The following ATP10A variants were observed in gnomAD, a reference collection of about 807,000 sequenced individuals.
ATP10A encodes the protein phospholipid-transporting ATPase VA.
Under a neutral mutation model 147.8 loss-of-function variants are expected in ATP10A, and 111 were observed. That is an observed-to-expected ratio of 0.75 (90% CI 0.64 to 0.88). ATP10A has a LOEUF of 0.88. Ranked by LOEUF, ATP10A falls within the 40% of genes least tolerant of loss-of-function variation. The probability of loss-of-function intolerance (pLI) is 0.00; values close to 1 mark genes in which losing one functional copy is unlikely to be tolerated. For missense variants in ATP10A, 1,927 were observed against 1,959.0 expected (o/e 0.98, Z 0.31); for synonymous variants, 875 against 841.6 (o/e 1.04, Z -0.69).
Position 25,723,935 on chromosome 15 carries a change from T to C in ATP10A, c.1066A>G (p.Thr356Ala), listed in dbSNP as rs1322263320. 4 of 1,610,276 alleles carry C rather than the reference T, an allele frequency of 2.5e-6. No homozygotes were observed. Among genetic ancestry groups the C allele is most frequent in the Non-Finnish European group, 3.4e-6 (4 of 1,178,866 alleles). The change falls in exon 6 of 21, where the codon ACA (threonine) becomes GCA (alanine). Residue 356 changes from threonine to alanine, a missense_variant. Coordinates refer to ENST00000555815, the MANE Select transcript of ATP10A (RefSeq NM_024490.4). The part of the protein sequence containing the change: ...KSDGSSLSPV[T>A]AAVYSFLTMI... The stretch of plus-strand genomic sequence containing the variant: ...GTTAAAAATGAGTAAACTGCAGCTG[T>C]GACTGGGGATAAGGAGCTTCCATCA...
rs371421040 is a variant in ATP10A, at chr15:25,713,884, A to G, written c.2134T>C (p.Cys712Arg). The G allele has an allele frequency of 6.2e-7, 1 of 1,613,676 alleles. No homozygotes were observed. Among genetic ancestry groups the G allele is most frequent in the African/African-American group, 1.3e-5 (1 of 74,958 alleles). ...TCGTGCAGCCGCTCCACAAGCACGC[A>G]GTTGTAGGCTCTGGCCGCATACACC... The part of the protein sequence containing the change: ...ALVYAARAYN[C>R]VLVERLHDQV... The change falls in exon 10 of 21, where the codon TGC (cysteine) becomes CGC (arginine). Residue 712 changes from cysteine to arginine, a missense_variant. Physicochemically the swap from Cys to Arg is radical, Grantham distance 180. Coordinates refer to ENST00000555815, the MANE Select transcript of ATP10A (RefSeq NM_024490.4).
chr15:25,788,081 C>T (rs1209816888), intron 1 of ATP10A, among the ~76,000 whole-genome samples: 2 of 152,182 alleles, frequency 1.3e-5, no homozygotes, highest in African/African-American at 4.8e-5. Flanking sequence ...GGGCAGGGCA[C>T]ACCTGACACT....
chr15:25,853,907 GCT>G (rs1893396196), intron 1 of ATP10A, among the ~76,000 whole-genome samples: 1 of 150,166 alleles, frequency 6.7e-6, no homozygotes, highest in Non-Finnish European at 1.5e-5. Context: ...GCACCAGTGC[GCT>G]CCGGCCTGGG....
intron 2 of ATP10A, among the ~76,000 whole-genome samples, chr15:25,748,365 A>T (rs1277383398): frequency 1.3e-5 from 2 of 152,210 alleles, no homozygotes; most frequent in African/African-American, 2.4e-5. Context: ...TAGAAAAATC[A>T]ATGTCATTAG....
rs760422124 is a variant in ATP10A at position 25,718,406 on chromosome 15, G to T, written c.1364-7C>A. 6.3e-7 allele frequency: 1 copy of T among 1,583,876 alleles called. No individual in the cohort carries two copies. Among genetic ancestry groups the T allele is most frequent in the Non-Finnish European group, 8.6e-7 (1 of 1,168,916 alleles). On this transcript the variant is annotated splice_region_variant and splice_polypyrimidine_tract_variant and intron_variant, in intron 7 of 20. Transcript: ENST00000555815. ...TACCTGGCCAGACGCTGCGCTGCGG[G>T]GAGAGGGCGCAGGGTGAGGCATCAT...
rs115249324 is a variant in ATP10A, at chr15:25,717,608, G to A, written c.1581+574C>T. Among the ~76,000 whole-genome samples the A allele has an allele frequency of 3.6e-3, 554 of 152,294 alleles. 4 individuals carry two copies. Among genetic ancestry groups the A allele is most frequent in the African/African-American group, 0.013 (524 of 41,558 alleles). Reference sequence around the variant, plus strand: ...CGAAATCAGCCCTATTTAGATGGCAGCTTCTCTGTGGGTTTAGAAGCACAT... The same window carrying A: ...CGAAATCAGCCCTATTTAGATGGCAACTTCTCTGTGGGTTTAGAAGCACAT... On this transcript the variant is annotated intron_variant, in intron 8 of 20. Transcript: ENST00000555815.
At chr15:25,789,817 G>GCAC (rs1348764118) in intron 1 of ATP10A, among the ~76,000 whole-genome samples, 1 of 152,060 alleles carries the variant, frequency 6.6e-6, no homozygotes, top group Non-Finnish European at 1.5e-5. Flanking sequence ...ACTTTGCTGA[G>GCAC]CACCATCCCC....
chr15:25,680,949 C>T, intron 18 of ATP10A, 35 bp from the exon 19 acceptor site: 1 of 1,613,282 alleles, frequency 6.2e-7, no homozygotes, highest in Non-Finnish European at 8.5e-7. Context: ...CTGTAGGTCC[C>T]CGGATCCAGC....
intron 13 of ATP10A, among the ~76,000 whole-genome samples, chr15:25,696,470 C>T (rs771436331): frequency 1.9e-4 from 29 of 152,360 alleles, no homozygotes; most frequent in Non-Finnish European, 4.1e-4. Flanking sequence ...CCTGGACTCC[C>T]ACAGCAGTGG....
At chr15:25,693,441 C>T (rs557962432) in intron 14 of ATP10A, among the ~76,000 whole-genome samples, 1 of 152,368 alleles carries the variant, frequency 6.6e-6, no homozygotes, top group South Asian at 2.1e-4. Context: ...ATACCAGACA[C>T]CAGTGGCTAC....
intron 1 of ATP10A, among the ~76,000 whole-genome samples, chr15:25,831,189 C>T (rs993889166): frequency 6.6e-6 from 1 of 152,234 alleles, no homozygotes; most frequent in African/African-American, 2.4e-5. Context: ...CCCATACCCT[C>T]TCCCACCTCA....
intron 2 of ATP10A, among the ~76,000 whole-genome samples, chr15:25,774,200 C>G (rs971719005): frequency 3.9e-5 from 6 of 152,204 alleles, no homozygotes; most frequent in Non-Finnish European, 8.8e-5. Flanking sequence ...TTTAAGTTTC[C>G]ACACAATATA....
At chr15:25,851,245 G>A (rs1893283056) in intron 1 of ATP10A, among the ~76,000 whole-genome samples, 1 of 152,102 alleles carries the variant, frequency 6.6e-6, no homozygotes, top group Admixed American at 6.5e-5. Flanking sequence ...GAGCTCACGG[G>A]CCTCCAAAGC....
chr15:25,715,543 A>T (rs572461918), intron 9 of ATP10A, among the ~76,000 whole-genome samples: 110 of 152,254 alleles, frequency 7.2e-4, no homozygotes, highest in Non-Finnish European at 1.3e-3. Context: ...CTGCAGGGAT[A>T]TACACCAGAA....
At chr15:25,704,878 C>T (rs1900883254) in intron 12 of ATP10A, among the ~76,000 whole-genome samples, 1 of 152,184 alleles carries the variant, frequency 6.6e-6, no homozygotes, top group Admixed American at 6.5e-5. Context: ...TTCTGAGTAT[C>T]ATAACTCAGG....
chr15:25,713,728 A>G lies in ATP10A; in HGVS notation c.2290T>C (p.Tyr764His), dbSNP rs759014492. 1.2e-6 allele frequency: 2 copies of G among 1,614,150 alleles called. No homozygotes were observed. Among genetic ancestry groups the G allele is most frequent in the South Asian group, 2.2e-5 (2 of 91,086 alleles). Residue 764 changes from tyrosine to histidine, a missense_variant, in exon 10 of 21, where the codon TAC (tyrosine) becomes CAC (histidine). Transcript: ENST00000555815. ...RHPLTDEINV[Y>H]TKGADSVVMD... is the part of the protein sequence containing the mutation. ...ACCACTGAGTCGGCCCCCTTGGTGT[A>G]GACGTTGATCTCATCGGTAAGCGGG...
At chr15:25,687,573 A>T in intron 16 of ATP10A, 130 bp downstream of exon 16, 1 of 577,722 alleles carries the variant, frequency 1.7e-6, no homozygotes, top group Non-Finnish European at 2.3e-6. Flanking sequence ...ACAATTACAC[A>T]GGCGAAGGAG....
chr15:25,719,498 T>G (rs950827998), intron 7 of ATP10A, among the ~76,000 whole-genome samples: 1 of 152,148 alleles, frequency 6.6e-6, no homozygotes, highest in Non-Finnish European at 1.5e-5. Context: ...CCTGGACACA[T>G]GACTCTGTCC....
intron 15 of ATP10A, among the ~76,000 whole-genome samples, chr15:25,690,869 C>A (rs373610998): frequency 6.6e-6 from 1 of 152,036 alleles, no homozygotes; most frequent in Non-Finnish European, 1.5e-5. Context: ...CAGATGACGG[C>A]GGGGGGAGTA....
Sources: allele counts gnomAD v4.1 joint callset (sites outside exome capture counted in the v4.1 genomes callset), GRCh38; gene constraint gnomAD v4.1.1; transcripts MANE v1.5; gene names NCBI Gene and HGNC (gene_info 2026-07-23, HGNC 2026-07-21).